ERC1: variants seen among roughly 807,000 people sequenced by gnomAD.
ERC1 encodes ELKS/RAB6-interacting/CAST family member 1, also known as RAB6 interacting protein 2.
Under a neutral mutation model 132.0 loss-of-function variants are expected in ERC1, and 56 were observed. The observed-to-expected ratio is 0.42, with a 90% CI of 0.34 to 0.53. The LOEUF (loss-of-function observed/expected upper bound fraction) is 0.53, where lower values mean the gene tolerates loss of function less well. ERC1 is among the 20% of genes least tolerant of loss of function. The probability of loss-of-function intolerance (pLI) is 0.03; values close to 1 mark genes in which losing one functional copy is unlikely to be tolerated. For synonymous variants in ERC1, 478 were observed against 476.1 expected (o/e 1.00, Z -0.05); for missense variants, 1,202 against 1,349.9 (o/e 0.89, Z 1.72).
At chr12:1,302,490 A>G (rs949931122) in intron 15 of ERC1, among the ~76,000 whole-genome samples, 4 of 152,160 alleles carry the variant, frequency 2.6e-5, no homozygotes, top group African/African-American at 4.8e-5. Context: ...GCAAGAAAAG[A>G]AGGAGGGAAA....
intron 2 of ERC1, among the ~76,000 whole-genome samples, chr12:1,039,119 G>T (rs1489377918): frequency 6.6e-6 from 1 of 151,878 alleles, no homozygotes; most frequent in Admixed American, 6.6e-5. Flanking sequence ...GGCGGATCAC[G>T]AGGTCAGGAG....
At chr12:1,139,256 T>C in intron 7 of ERC1, among the ~76,000 whole-genome samples, 1 of 152,170 alleles carries the variant, frequency 6.6e-6, no homozygotes, top group East Asian at 1.9e-4. Flanking sequence ...GAATCTTCCT[T>C]CTGTCCAGTG....
intron 16 of ERC1, among the ~76,000 whole-genome samples, chr12:1,407,698 T>G (rs1217314429): frequency 6.6e-6 from 1 of 152,206 alleles, no homozygotes; most frequent in Non-Finnish European, 1.5e-5. Flanking sequence ...TCTCACAGTT[T>G]GGAGAAATCA....
chr12:1,166,194 G>A (rs1055028583), intron 8 of ERC1, among the ~76,000 whole-genome samples: 1 of 152,160 alleles, frequency 6.6e-6, no homozygotes, highest in Admixed American at 6.5e-5. Flanking sequence ...TGTATTGTGC[G>A]AGGGACCCAG....
intron 15 of ERC1, among the ~76,000 whole-genome samples, chr12:1,350,115 G>C (rs1413880137): frequency 6.6e-6 from 1 of 152,172 alleles, no homozygotes; most frequent in Non-Finnish European, 1.5e-5. Flanking sequence ...TTCCTCAGTG[G>C]GTAAGTGAAG....
chr12:1,433,549 T>G (rs1345107707), intron 17 of ERC1, among the ~76,000 whole-genome samples: 1 of 152,198 alleles, frequency 6.6e-6, no homozygotes, highest in Non-Finnish European at 1.5e-5. Flanking sequence ...TAGAATGGCT[T>G]TGCAGTATTC....
At chr12:1,483,667 G>GTTT (rs1257983853) in intron 18 of ERC1, among the ~76,000 whole-genome samples, 1 of 75,142 alleles carries the variant, frequency 1.3e-5, no homozygotes, top group Non-Finnish European at 2.9e-5. Flanking sequence ...GCCACTGAGA[G>GTTT]CTTTTTTTTT....
At chr12:1,209,740 C>T (rs1379679288) in intron 12 of ERC1, among the ~76,000 whole-genome samples, 1 of 152,180 alleles carries the variant, frequency 6.6e-6, no homozygotes, top group Non-Finnish European at 1.5e-5. Context: ...CCAGTTGGTA[C>T]TGATACTGTT....
rs74057199 is a variant in ERC1 at position 1,388,398 on chromosome 12, C to T, written c.2925+16421C>T. Among the ~76,000 whole-genome samples, 289 of 150,686 alleles carry T rather than the reference C, an allele frequency of 1.9e-3. 2 individuals are homozygous for T. Among genetic ancestry groups the T allele is most frequent in the African/African-American group, 6.7e-3 (275 of 41,078 alleles). ...CCTCATGAATGAGCTAGAAAAGGAG[C>T]TCTTAGGCAGAGGGATCATTGTGGC... On this transcript the variant is annotated intron_variant, in intron 16 of 18. Transcript: ENST00000360905.
chr12:1,025,645 ATG>A (rs1217608894), intron 1 of ERC1, among the ~76,000 whole-genome samples: 2 of 152,174 alleles, frequency 1.3e-5, no homozygotes, highest in Non-Finnish European at 2.9e-5. Context: ...TTGGTGTACT[ATG>A]TGAAGACGAG....
At chr12:1,013,203 G>A (rs1036840130) in intron 1 of ERC1, among the ~76,000 whole-genome samples, 29 of 152,244 alleles carry the variant, frequency 1.9e-4, no homozygotes, top group African/African-American at 6.0e-4. Flanking sequence ...CACTAGAGTC[G>A]TTGGGGAAGG....
At chr12:1,213,958 CCATATGAG>C (rs1958130751) in intron 12 of ERC1, among the ~76,000 whole-genome samples, 1 of 151,860 alleles carries the variant, frequency 6.6e-6, no homozygotes, top group Admixed American at 6.6e-5. Flanking sequence ...GGAAATGAAT[CCATATGAG>C]AATGCCAGGG....
chr12:1,114,856 G>T (rs1946283825), intron 6 of ERC1, among the ~76,000 whole-genome samples: 1 of 152,136 alleles, frequency 6.6e-6, no homozygotes, highest in African/African-American at 2.4e-5. Context: ...TTTTGAAACA[G>T]AAGGCTAAAT....
intron 2 of ERC1, among the ~76,000 whole-genome samples, chr12:1,053,686 T>G (rs1039050827): frequency 9.2e-5 from 14 of 152,236 alleles, no homozygotes; most frequent in African/African-American, 3.1e-4. Flanking sequence ...CTTGGACTAT[T>G]TGTTCCCTCT....
At chr12:993,321 T>C (rs1230260773) in intron 1 of ERC1, among the ~76,000 whole-genome samples, 1 of 152,232 alleles carries the variant, frequency 6.6e-6, no homozygotes, top group East Asian at 1.9e-4. Context: ...AACTTGTGTG[T>C]ACTCCTAAAA....
At chr12:1,129,845 A>AG (rs397703829) in intron 7 of ERC1, among the ~76,000 whole-genome samples, 1 of 151,648 alleles carries the variant, frequency 6.6e-6, no homozygotes, top group Non-Finnish European at 1.5e-5. Flanking sequence ...AGAAAAAAAA[A>AG]CAGGAGATGA....
In ERC1 at chr12:1,015,029, G is replaced by T. The variant is rs570859391; in HGVS notation, c.-156-12719G>T. 3.8e-4 allele frequency among the ~76,000 whole-genome samples: 57 copies of T among 150,292 alleles called. 1 individual carries two copies. The East Asian group carries it at 8.4e-3, about 22-fold the overall frequency. On this transcript the variant is annotated intron_variant, in intron 1 of 18. Transcript: ENST00000360905. ...TCTGCCCTCCTTGGCCTCCCAAAGTGTTGGGATTACAGGCATGACCTACTG... is the reference window on the plus strand; with the variant it reads ...TCTGCCCTCCTTGGCCTCCCAAAGTTTTGGGATTACAGGCATGACCTACTG...
chr12:1,057,342 T>G (rs111929079), intron 2 of ERC1, among the ~76,000 whole-genome samples: 2 of 152,030 alleles, frequency 1.3e-5, no homozygotes, highest in Non-Finnish European at 2.9e-5. Flanking sequence ...CAGGGTGGTC[T>G]CAAACTCCTG....
At chr12:1,244,344 TTTAG>T (rs2076022569) in intron 13 of ERC1, among the ~76,000 whole-genome samples, 1 of 152,184 alleles carries the variant, frequency 6.6e-6, no homozygotes, top group African/African-American at 2.4e-5. Flanking sequence ...TTTCTGGCTA[TTTAG>T]GTGATCTCTT....
Sources: gnomAD v4.1 joint callset for allele counts (sites outside exome capture counted in the v4.1 genomes callset) on GRCh38, gnomAD v4.1.1 for gene constraint, MANE v1.5 for transcripts, NCBI Gene and HGNC (gene_info 2026-07-23, HGNC 2026-07-21) for gene names.